GAS7: variants seen among roughly 807,000 people sequenced by gnomAD.
The protein encoded by GAS7 is growth arrest-specific protein 7.
Under a neutral mutation model 71.1 loss-of-function variants are expected in GAS7, and 28 were observed. The ratio of observed to expected loss-of-function variants is 0.39; its 90% CI spans 0.29 to 0.54. The LOEUF is 0.54. Among genes scored for constraint, GAS7 ranks in the 20% least tolerant of loss-of-function variants. The pLI, the probability that GAS7 is intolerant of heterozygous loss-of-function variation, is 0.62. For missense variants in GAS7, 436 were observed against 627.8 expected, an observed-to-expected ratio of 0.69 and a Z score of 3.27; for synonymous variants, 258 against 245.8, an observed-to-expected ratio of 1.05 and a Z score of -0.46.
chr17:9,948,820 G>A lies in GAS7; in HGVS notation c.526-1837C>T, dbSNP rs151042278. ...ACTGCCTGGCTTTTCCCCATTGTGT[G>A]GAGGTGGCTTCAGGCCCCAGATTCC... On this transcript the variant is annotated intron_variant, in intron 5 of 13. Coordinates refer to ENST00000432992, the MANE Select transcript of GAS7 (RefSeq NM_201433.2). Among the ~76,000 whole-genome samples the A allele has an allele frequency of 2.0e-5, 3 of 152,336 alleles. No homozygotes were observed. The East Asian group carries it at 5.8e-4, about 29-fold the overall frequency.
intron 1 of GAS7, among the ~76,000 whole-genome samples, chr17:10,159,538 A>C (rs1049668524): frequency 2.0e-5 from 3 of 152,032 alleles, no homozygotes; most frequent in Admixed American, 2.0e-4. Flanking sequence ...GAAAAGCCAG[A>C]TGCACCCCCC....
intron 8 of GAS7, among the ~76,000 whole-genome samples, chr17:9,937,970 C>T (rs889975489): frequency 2.0e-5 from 3 of 152,110 alleles, no homozygotes; most frequent in Admixed American, 1.3e-4. Flanking sequence ...TCGATCCAGG[C>T]GCATTTAGGA....
At chr17:9,985,015 G>A (rs929908701) in intron 2 of GAS7, among the ~76,000 whole-genome samples, 4 of 146,508 alleles carry the variant, frequency 2.7e-5, no homozygotes, top group African/African-American at 5.2e-5. Flanking sequence ...CCTCTCCTCC[G>A]AGTCTCCTGG....
At position 9,926,599 on chromosome 17, in the gene GAS7, C is replaced by G. The variant is rs745624989; in HGVS notation, c.1014+42G>C. ...CCCAGTCCCCCTTCTTCCAGGCAGT[C>G]CCCCATGCACCTGCCCTGGCCCAGC... On this transcript the variant is annotated intron_variant, in intron 10 of 13. Coordinates refer to ENST00000432992, the MANE Select transcript of GAS7 (RefSeq NM_201433.2). The surrounding 1 kb of genome is among the most constrained non-coding windows in gnomAD (Gnocchi z 5.0). 5.6e-6 allele frequency: 9 copies of G among 1,601,910 alleles called. No individual in the cohort carries two copies. The highest frequency in any genetic ancestry group is 7.7e-6 in the Non-Finnish European group (9 of 1,173,370).
intron 1 of GAS7, among the ~76,000 whole-genome samples, chr17:10,153,283 C>T (rs2074181234): frequency 6.6e-6 from 1 of 151,200 alleles, no homozygotes; most frequent in Admixed American, 6.6e-5. Context: ...AGGCAGATCA[C>T]GAGGTCAGGA....
chr17:10,195,323 G>A (rs2074533091), intron 1 of GAS7, among the ~76,000 whole-genome samples: 1 of 152,110 alleles, frequency 6.6e-6, no homozygotes, highest in Admixed American at 6.6e-5. Context: ...TCCTGCAAAG[G>A]CTGGGTCTCT....
At chr17:9,980,454 T>C (rs995788281) in intron 3 of GAS7, among the ~76,000 whole-genome samples, 12 of 152,236 alleles carry the variant, frequency 7.9e-5, no homozygotes, top group African/African-American at 2.9e-4. Flanking sequence ...GGGATTACTT[T>C]TTCTTCTGAA....
At position 9,916,450 on chromosome 17, in the gene GAS7, TGGCAGGGTGGG is replaced by T. The variant is rs1038606291; in HGVS notation, c.*767_*777del. On this transcript the variant is annotated 3_prime_UTR_variant, in exon 14 of 14. Transcript: ENST00000432992. ...TTCCTCTAATGAGACTGGGAAGGGC[TGGCAGGGTGGG>T]GGCAGGGGCCTCCCCGAGGAAGCAG... is the stretch of plus-strand genomic sequence containing the variant. 4.3e-6 allele frequency: 1 copy of T among 233,886 alleles called. No individual in the cohort carries two copies. The highest frequency in any genetic ancestry group is 8.5e-6 in the Non-Finnish European group (1 of 118,250). The allele number at this position is 233,886 out of a possible 1,614,324, so 14.5% of individuals were successfully genotyped here.
intron 13 of GAS7, 123 bp from the exon 14 acceptor site, chr17:9,917,464 G>A (rs2067622082): frequency 7.2e-6 from 5 of 695,872 alleles, no homozygotes; most frequent in Admixed American, 6.9e-5. Flanking sequence ...GGGCTCCGGG[G>A]CCCCAGGGGG....
chr17:9,916,669 G>A lies in GAS7; in HGVS notation c.*559C>T, dbSNP rs1056607689. 2 of 332,406 alleles carry A rather than the reference G, an allele frequency of 6.0e-6. No homozygotes were observed. The highest frequency in any genetic ancestry group is 1.1e-5 in the Non-Finnish European group (2 of 184,178). The allele number at this position is 332,406 out of a possible 1,614,324, so 20.6% of individuals were successfully genotyped here. On this transcript the variant is annotated 3_prime_UTR_variant, in exon 14 of 14. Transcript: ENST00000432992. ...AAGCCTTCCTCCTAAAACCCCTGGT[G>A]ATGAACAGTGGCTGAGAAAGCCAGA...
intron 1 of GAS7, among the ~76,000 whole-genome samples, chr17:10,170,763 T>A (rs1238114926): frequency 6.6e-6 from 1 of 152,224 alleles, no homozygotes; most frequent in East Asian, 1.9e-4. Flanking sequence ...GTTCAGTGAA[T>A]GAGCCCCGTA....
At chr17:10,073,571 G>A (rs894229885) in intron 1 of GAS7, among the ~76,000 whole-genome samples, 4 of 152,130 alleles carry the variant, frequency 2.6e-5, no homozygotes, top group Admixed American at 2.0e-4. Context: ...CAGCATCTGC[G>A]CCCCGCTCCC....
intron 1 of GAS7, among the ~76,000 whole-genome samples, chr17:10,106,014 C>T (rs2073753270): frequency 6.6e-6 from 1 of 152,176 alleles, no homozygotes; most frequent in Non-Finnish European, 1.5e-5. Flanking sequence ...GGGCCTTTAT[C>T]CTCTCCTCCT....
At chr17:10,144,458 T>C (rs994570646) in intron 1 of GAS7, among the ~76,000 whole-genome samples, 1 of 152,172 alleles carries the variant, frequency 6.6e-6, no homozygotes, top group African/African-American at 2.4e-5. Context: ...CCAAAATGAG[T>C]GGCCAATCTC....
chr17:10,159,032 C>T (rs1459230880), intron 1 of GAS7, among the ~76,000 whole-genome samples: 2 of 110,498 alleles, frequency 1.8e-5, no homozygotes, highest in Admixed American at 1.1e-4. Context: ...TGCACTCCAG[C>T]GTGGACAACA....
intron 1 of GAS7, among the ~76,000 whole-genome samples, chr17:10,029,951 A>G (rs2072571641): frequency 6.6e-6 from 1 of 152,168 alleles, no homozygotes; most frequent in South Asian, 2.1e-4. Context: ...AGGGAGATGG[A>G]AACAAAACGC....
intron 1 of GAS7, among the ~76,000 whole-genome samples, chr17:10,123,301 G>A (rs370675243): frequency 3.3e-5 from 5 of 152,222 alleles, no homozygotes; most frequent in African/African-American, 1.2e-4. Context: ...CAGCAGGTCT[G>A]GGGCAGGACC....
intron 1 of GAS7, among the ~76,000 whole-genome samples, chr17:10,027,649 A>T (rs1484441691): frequency 6.6e-6 from 1 of 152,222 alleles, no homozygotes; most frequent in African/African-American, 2.4e-5. Flanking sequence ...ACATGGTGCC[A>T]TCTTGGAGGC....
At chr17:10,150,915 G>C (rs2074161338) in intron 1 of GAS7, among the ~76,000 whole-genome samples, 1 of 152,108 alleles carries the variant, frequency 6.6e-6, no homozygotes, top group African/African-American at 2.4e-5. Flanking sequence ...ATTCAATCCA[G>C]GCATCATCAT....
Sources: gnomAD v4.1 joint callset for allele counts (sites outside exome capture counted in the v4.1 genomes callset) on GRCh38, gnomAD v4.1.1 for gene constraint, Gnocchi (gnomAD v3.1) non-coding constraint, MANE v1.5 for transcripts, NCBI Gene and HGNC (gene_info 2026-07-23, HGNC 2026-07-21) for gene names.